Variants in ERBB4 observed in about 807,000 individuals in gnomAD.
The protein encoded by ERBB4 is erb-b2 receptor tyrosine kinase 4, also known as receptor tyrosine-protein kinase erbB-4.
In ERBB4, 42 loss-of-function variants were observed where a neutral mutation model predicts 158.0. That is an observed-to-expected ratio of 0.27 (90% CI 0.21 to 0.34). ERBB4 has a LOEUF of 0.34. ERBB4 is among the 10% of genes least tolerant of loss of function. The pLI is 1.00. For synonymous variants in ERBB4, 583 were observed against 558.7 expected, an observed-to-expected ratio of 1.04 and a Z score of -0.61; for missense variants, 1,333 against 1,624.1, an observed-to-expected ratio of 0.82 and a Z score of 3.08.
intron 2 of ERBB4, among the ~76,000 whole-genome samples, chr2:212,027,057 T>A (rs2076789602): frequency 6.6e-6 from 1 of 151,908 alleles, no homozygotes; most frequent in Non-Finnish European, 1.5e-5. Context: ...AACATCTCAT[T>A]CAAGTCACAT....
intron 1 of ERBB4, among the ~76,000 whole-genome samples, chr2:212,447,057 C>T (rs1223951130): frequency 1.3e-5 from 2 of 149,700 alleles, no homozygotes; most frequent in Non-Finnish European, 1.5e-5. Flanking sequence ...AGTGCAGTGG[C>T]GCAATCTCAG....
At chr2:211,594,305 A>T (rs1311315507) in intron 19 of ERBB4, among the ~76,000 whole-genome samples, 1 of 151,936 alleles carries the variant, frequency 6.6e-6, no homozygotes, top group Non-Finnish European at 1.5e-5. Flanking sequence ...CGGGCGTGGA[A>T]GCGTGCACCT....
chr2:211,920,091 A>T (rs538313890), intron 3 of ERBB4, among the ~76,000 whole-genome samples: 5 of 152,046 alleles, frequency 3.3e-5, no homozygotes, highest in African/African-American at 1.2e-4. Flanking sequence ...AATCTGGCAA[A>T]AACTCCCATT....
intron 2 of ERBB4, among the ~76,000 whole-genome samples, chr2:212,003,190 A>AAAGG (rs2076164095): frequency 1.3e-5 from 1 of 77,114 alleles, no homozygotes; most frequent in East Asian, 3.7e-4. Flanking sequence ...AGAAAGAAAG[A>AAAGG]AAGAAAGAAA....
rs112581570 is a variant in ERBB4 at position 211,630,611 on chromosome 2, G to GGA, written c.1947-18_1947-17insTC. 9.9e-6 allele frequency: 13 copies of GGA among 1,315,272 alleles called. No homozygotes were observed. In the African/African-American group the frequency reaches 2.0e-4, roughly 20 times the overall value. The allele number at this position is 1,315,272 out of a possible 1,614,324, so 81.5% of individuals were successfully genotyped here. A position where few individuals can be genotyped will look rare whatever the true frequency, so the allele number is the denominator to read the frequency against. On this transcript the variant is annotated splice_polypyrimidine_tract_variant and intron_variant, in intron 16 of 27. Coordinates refer to ENST00000342788, the MANE Select transcript of ERBB4 (RefSeq NM_005235.3). ...AGGGGAGTTCTGACAACCAGAATGAGAAAAAAAAAAATAAAAAGTATGAAG... is the reference window on the plus strand; with the variant it reads ...AGGGGAGTTCTGACAACCAGAATGAGGAAAAAAAAAAAATAAAAAGTATGAAG...
Position 211,681,245 on chromosome 2 carries a change from T to A in ERBB4, c.1490-2061A>T, listed in dbSNP as rs190023523. ...TTGTATGGATATATGAAATTTATAA[T>A]CCATTCACCTATTGACAGACATTTA... is the stretch of plus-strand genomic sequence containing the variant. On this transcript the variant is annotated intron_variant, in intron 12 of 27. Transcript: ENST00000342788. Among the ~76,000 whole-genome samples, 3 of 152,330 alleles carry A rather than the reference T, an allele frequency of 2.0e-5. No homozygotes were observed. The East Asian group carries it at 5.8e-4, about 29-fold the overall frequency.
chr2:212,224,801 T>C (rs2083419470), intron 1 of ERBB4, among the ~76,000 whole-genome samples: 1 of 152,090 alleles, frequency 6.6e-6, no homozygotes, highest in Non-Finnish European at 1.5e-5. Flanking sequence ...CACAGAATGA[T>C]GTAACTGAAA....
At chr2:212,436,355 C>T (rs545249090) in intron 1 of ERBB4, among the ~76,000 whole-genome samples, 9 of 151,958 alleles carry the variant, frequency 5.9e-5, no homozygotes, top group African/African-American at 2.2e-4. Flanking sequence ...TTTAGAAAGG[C>T]ACATTATCTC....
At chr2:211,767,716 C>A (rs35720933) in intron 4 of ERBB4, among the ~76,000 whole-genome samples, 1 of 151,982 alleles carries the variant, frequency 6.6e-6, no homozygotes, top group South Asian at 2.1e-4. Flanking sequence ...TCACTATCAC[C>A]ACAGCAGCAT....
At chr2:212,518,431 C>T (rs1216052224) in intron 1 of ERBB4, among the ~76,000 whole-genome samples, 2 of 151,868 alleles carry the variant, frequency 1.3e-5, no homozygotes, top group Non-Finnish European at 2.9e-5. Context: ...ATTTAAAAAC[C>T]TTGGGAGATA....
At chr2:212,089,287 G>T (rs1364338850) in intron 2 of ERBB4, among the ~76,000 whole-genome samples, 1 of 152,076 alleles carries the variant, frequency 6.6e-6, no homozygotes, top group Non-Finnish European at 1.5e-5. Flanking sequence ...ATTCCACTTT[G>T]GGAAATACAA....
chr2:211,672,549 A>T (rs773251162), intron 14 of ERBB4, among the ~76,000 whole-genome samples: 8 of 152,140 alleles, frequency 5.3e-5, no homozygotes, highest in Admixed American at 2.6e-4. Context: ...CCTCTGCCAT[A>T]GTATTTATTG....
intron 5 of ERBB4, among the ~76,000 whole-genome samples, chr2:211,728,224 A>G (rs933762862): frequency 6.6e-6 from 1 of 151,400 alleles, no homozygotes; most frequent in Non-Finnish European, 1.5e-5. Flanking sequence ...TTGTTACAGC[A>G]TCAATTACCA....
At chr2:211,897,593 T>C (rs976122283) in intron 3 of ERBB4, among the ~76,000 whole-genome samples, 6 of 152,102 alleles carry the variant, frequency 3.9e-5, no homozygotes, top group African/African-American at 1.4e-4. Context: ...CTTCCCTCCT[T>C]GACCCTGCCT....
Position 212,253,165 on chromosome 2 carries a change from A to T in ERBB4, c.83-128262T>A, listed in dbSNP as rs556492159. ...AGCAGTCGCCAAAGTGATACCACAT[A>T]ATCTGTAATCGTTCTGGGGCTCCTT... On this transcript the variant is annotated intron_variant, in intron 1 of 27. Coordinates refer to ENST00000342788, the MANE Select transcript of ERBB4 (RefSeq NM_005235.3). 2.0e-5 allele frequency among the ~76,000 whole-genome samples: 3 copies of T among 152,264 alleles called. No homozygotes were observed. The South Asian group carries it at 6.2e-4, about 31-fold the overall frequency.
intron 1 of ERBB4, among the ~76,000 whole-genome samples, chr2:212,517,391 A>C (rs1691907875): frequency 6.6e-6 from 1 of 152,114 alleles, no homozygotes; most frequent in Non-Finnish European, 1.5e-5. Flanking sequence ...TATTTGGGCA[A>C]CTGATGAAAC....
At position 212,180,861 on chromosome 2, in the gene ERBB4, A is replaced by T. The variant is rs377537198; in HGVS notation, c.83-55958T>A. 3.3e-5 allele frequency among the ~76,000 whole-genome samples: 5 copies of T among 151,812 alleles called. No individual in the cohort carries two copies. The South Asian group carries it at 1.0e-3, about 31-fold the overall frequency. On this transcript the variant is annotated intron_variant, in intron 1 of 27. Coordinates refer to ENST00000342788, the MANE Select transcript of ERBB4 (RefSeq NM_005235.3). Reference sequence around the variant, plus strand: ...AGTGAATGTTTACTGACAAGTAGTTATGGCCAGTTAAATAATCATGCCCTC... The same window carrying T: ...AGTGAATGTTTACTGACAAGTAGTTTTGGCCAGTTAAATAATCATGCCCTC...
chr2:211,475,508 A>G (rs2064932225), intron 20 of ERBB4, among the ~76,000 whole-genome samples: 1 of 152,136 alleles, frequency 6.6e-6, no homozygotes, highest in Non-Finnish European at 1.5e-5. Context: ...TACCTGATCA[A>G]TGGACATCAG....
At chr2:211,810,520 G>A (rs548063224) in intron 3 of ERBB4, among the ~76,000 whole-genome samples, 3 of 152,036 alleles carry the variant, frequency 2.0e-5, no homozygotes, top group South Asian at 4.2e-4. Context: ...AACCCCGGCC[G>A]TTTTTTTGCT....
Sources: allele counts gnomAD v4.1 joint callset (sites outside exome capture counted in the v4.1 genomes callset), GRCh38; gene constraint gnomAD v4.1.1; transcripts MANE v1.5; gene names NCBI Gene and HGNC (gene_info 2026-07-23, HGNC 2026-07-21).